ITGAX: variants seen among roughly 807,000 people sequenced by gnomAD.
ITGAX encodes the protein integrin alpha-X.
In ITGAX, 99 loss-of-function variants were observed where a neutral mutation model predicts 140.2. That is an observed-to-expected ratio of 0.71 (90% confidence interval 0.60 to 0.83). The LOEUF (loss-of-function observed/expected upper bound fraction) is 0.83. Among genes scored for constraint, ITGAX ranks in the 40% least tolerant of loss-of-function variants. The pLI, the probability that ITGAX is intolerant of heterozygous loss-of-function variation, is 0.00. For synonymous variants in ITGAX, 631 were observed against 600.4 expected, an observed-to-expected ratio of 1.05 and a Z score of -0.75; for missense variants, 1,444 against 1,482.0, an observed-to-expected ratio of 0.97 and a Z score of 0.42.
intron 20 of ITGAX, among the ~76,000 whole-genome samples, chr16:31,374,869 T>G (rs1198879463): frequency 6.6e-6 from 1 of 152,268 alleles, no homozygotes; most frequent in African/African-American, 2.4e-5. Context: ...TGCAACAGTG[T>G]TGAAAGGTGA....
intron 14 of ITGAX, chr16:31,370,193 T>A (rs1021110561): frequency 6.6e-6 from 1 of 152,218 alleles, no homozygotes; most frequent in Non-Finnish European, 1.5e-5. Flanking sequence ...TGACCTCAGA[T>A]GACCCACCCG....
At position 31,362,864 on chromosome 16, in the gene ITGAX, A is replaced by G. The variant is rs978880597; in HGVS notation, c.1360-71A>G. ...TTGGGGGAGGTCCTGGTACCTGGGG[A>G]GAGGTGGGACCTGGCCCACAGGGCT... is the stretch of plus-strand genomic sequence containing the variant. On this transcript the variant is annotated intron_variant, in intron 12 of 29. Coordinates refer to ENST00000268296, the MANE Select transcript of ITGAX (RefSeq NM_000887.5). The G allele has an allele frequency of 3.1e-6, 5 of 1,606,662 alleles. No homozygotes were observed. In the African/African-American group the frequency reaches 6.7e-5, roughly 22 times the overall value.
chr16:31,363,400 C>G, intron 14 of ITGAX, 26 bp downstream of exon 14: 2 of 1,610,486 alleles, frequency 1.2e-6, no homozygotes, highest in Non-Finnish European at 1.7e-6. Context: ...ATTTCTGTCA[C>G]TAGAGCAGCC....
In ITGAX at chr16:31,381,924, G is replaced by C. The variant is rs1409574852; in HGVS notation, c.*17G>C. 9.8e-7 allele frequency: 1 copy of C among 1,018,854 alleles called. No homozygotes were observed. The highest frequency in any genetic ancestry group is 2.4e-5 in the East Asian group (1 of 42,246). 63.1% of individuals were successfully genotyped at this position (1,018,854 alleles called of 1,614,324 possible). ...GAGAAATGATCCCCTCTTTGCCTTG[G>C]ACTTCTTCTCCCCCGCGAGTTTTCC... On this transcript the variant is annotated 3_prime_UTR_variant, in exon 30 of 30. Transcript: ENST00000268296.
Position 31,363,302 on chromosome 16 carries a change from G to A in ITGAX, c.1638G>A (p.Glu546=), listed in dbSNP as rs1284390431. The part of the protein sequence containing the change: ...LTDVVIGAPG[E]EENRGAVYLF... ...ACGTGGTCATCGGGGCCCCAGGAGA[G>A]GAGGAGAACCGGGGTGCTGTCTACC... Residue 546 remains glutamate (E), a synonymous_variant, in exon 14 of 30, where the codon GAG becomes GAA. Transcript: ENST00000268296. 6.2e-7 allele frequency: 1 copy of A among 1,614,032 alleles called. No homozygotes were observed. The highest frequency in any genetic ancestry group is 1.3e-5 in the African/African-American group (1 of 75,014).
intron 5 of ITGAX, 182 bp downstream of exon 5, chr16:31,357,546 C>G (rs965393207): frequency 1.2e-5 from 7 of 581,978 alleles, no homozygotes; most frequent in Admixed American, 6.2e-5. Flanking sequence ...CGCACGCTGC[C>G]GGACCTTTCC....
chr16:31,377,252 A>T lies in ITGAX; in HGVS notation c.2776A>T (p.Thr926Ser), dbSNP rs780714609. Residue 926 changes from threonine to serine, a missense_variant, in exon 23 of 30, where the codon ACT (threonine) becomes TCT (serine). Physicochemically the swap from Thr to Ser is moderately conservative, Grantham distance 58 (BLOSUM62 1). Coordinates refer to ENST00000268296, the MANE Select transcript of ITGAX (RefSeq NM_000887.5). Reference sequence around the variant, plus strand: ...GCTCCCGGTGAAGTATGCTGTCTACACTGTGGTTAGCAGGTCAGCAGGTAC... The same window carrying T: ...GCTCCCGGTGAAGTATGCTGTCTACTCTGTGGTTAGCAGGTCAGCAGGTAC... The part of the protein sequence containing the change: ...LELPVKYAVY[T>S]VVSSHEQFTK... 6 of 1,613,164 alleles carry T rather than the reference A, an allele frequency of 3.7e-6. No homozygotes were observed. The highest frequency in any genetic ancestry group is 5.1e-6 in the Non-Finnish European group (6 of 1,179,874).
intron 19 of ITGAX, 140 bp from the exon 20 acceptor site, chr16:31,373,109 A>T: frequency 1.7e-6 from 1 of 574,750 alleles, no homozygotes; most frequent in Non-Finnish European, 2.8e-6. Context: ...AAAAAGAAGA[A>T]GAAGAAGAAG....
intron 25 of ITGAX, 56 bp downstream of exon 25, chr16:31,379,920 T>C (rs2081052791): frequency 3.7e-6 from 6 of 1,607,398 alleles, no homozygotes. Context: ...CTGGATTCCT[T>C]GTGCCCCATG....
Position 31,382,228 on chromosome 16 carries a change from C to CTTTTTTTTTTTTTTCTTTT in ITGAX, c.*335_*336insCTTTTTTTTTTTTTTTTTT. ...GGCACGAATGATCTTTCTTTCCTTT[C>CTTTTTTTTTTTTTTCTTTT]TTTTTTTTTTTTTTTCTTTTCTTTT... is the stretch of plus-strand genomic sequence containing the variant. On this transcript the variant is annotated 3_prime_UTR_variant, in exon 30 of 30. Transcript: ENST00000268296. 4.4e-6 allele frequency: 4 copies of CTTTTTTTTTTTTTTCTTTT among 902,772 alleles called. No homozygotes were observed. Among genetic ancestry groups the CTTTTTTTTTTTTTTCTTTT allele is most frequent in the East Asian group, 6.0e-5 (1 of 16,586 alleles). 55.9% of individuals were successfully genotyped at this position (902,772 alleles called of 1,614,324 possible).
rs1476229471 is a variant in ITGAX, at chr16:31,371,367, GC to G, written c.1876del (p.Gln626SerfsTer50). On this transcript the variant is annotated frameshift_variant, in exon 16 of 30. Coordinates refer to ENST00000268296, the MANE Select transcript of ITGAX (RefSeq NM_000887.5). LOFTEE classifies it high-confidence loss of function. ...RPVLWVGVSM[Q>X]FIPAEIPRSA... The stretch of plus-strand genomic sequence containing the variant: ...CTGTGCTCTGGGTGGGGGTGAGCAT[GC>G]AGTTCATACCTGCCGAGATCCCCAG... The G allele has an allele frequency of 4.3e-6, 7 of 1,614,200 alleles. No homozygotes were observed. Among genetic ancestry groups the G allele is most frequent in the Non-Finnish European group, 5.9e-6 (7 of 1,180,044 alleles).
intron 14 of ITGAX, among the ~76,000 whole-genome samples, chr16:31,368,103 A>G (rs778898220): frequency 1.5e-4 from 23 of 151,636 alleles, no homozygotes; most frequent in Non-Finnish European, 2.8e-4. Context: ...TCATGATGAA[A>G]CTTGCACAGA....
chr16:31,361,072 G>A lies in ITGAX; in HGVS notation c.871G>A (p.Ala291Thr), dbSNP rs200935163. The change falls in exon 9 of 30, where the codon GCT (alanine) becomes ACT (threonine). Residue 291 changes from alanine (A) to threonine (T), a missense_variant. Transcript: ENST00000268296. Reference protein sequence around the residue: ...IIRYAIGVGLAFQNRNSWKEL... With the variant: ...IIRYAIGVGLTFQNRNSWKEL... ...TCTTTTCTGGGGACAGGTTGGATTAGCTTTTCAAAACAGAAATTCTTGGAA... is the reference window on the plus strand; with the variant it reads ...TCTTTTCTGGGGACAGGTTGGATTAACTTTTCAAAACAGAAATTCTTGGAA... 2.4e-5 allele frequency: 39 copies of A among 1,612,534 alleles called. No homozygotes were observed. The highest frequency in any genetic ancestry group is 3.0e-5 in the Non-Finnish European group (35 of 1,179,696).
intron 10 of ITGAX, 82 bp downstream of exon 10, chr16:31,361,991 GA>G: frequency 3.1e-6 from 5 of 1,612,544 alleles, no homozygotes; most frequent in Non-Finnish European, 4.2e-6. Flanking sequence ...AGGTGGGTAA[GA>G]GGCGCAGGCG....
chr16:31,382,715 C>T lies in ITGAX; in HGVS notation c.*808C>T, dbSNP rs774300079. 4.5e-5 allele frequency: 25 copies of T among 551,054 alleles called. No homozygotes were observed. The highest frequency in any genetic ancestry group is 7.7e-5 in the African/African-American group (4 of 52,226). 34.1% of individuals were successfully genotyped at this position (551,054 alleles called of 1,614,324 possible). ...GCTGGGTTCTGCACAGCTGGCCTCC[C>T]GCGTTGGGCAACATTGCTGGCTGGA... On this transcript the variant is annotated 3_prime_UTR_variant, in exon 30 of 30. Coordinates refer to ENST00000268296, the MANE Select transcript of ITGAX (RefSeq NM_000887.5).
Position 31,362,974 on chromosome 16 carries a change from G to T in ITGAX, c.1399G>T (p.Val467Leu), listed in dbSNP as rs756238556. 5 of 1,611,798 alleles carry T rather than the reference G, an allele frequency of 3.1e-6. No individual in the cohort carries two copies. The Admixed American group carries it at 8.3e-5, about 27-fold the overall frequency. Residue 467 changes from valine to leucine, a missense_variant, in exon 13 of 30, where the codon GTA becomes TTA. Val to Leu is a conservative substitution (Grantham distance 32). Coordinates refer to ENST00000268296, the MANE Select transcript of ITGAX (RefSeq NM_000887.5). The part of the protein sequence containing the change: ...YFGASLCSVD[V>L]DSDGSTDLVL... ...CGGGGCCTCCCTCTGCTCCGTGGAC[G>T]TAGACAGCGACGGCAGCACCGACCT...
intron 9 of ITGAX, chr16:31,361,596 T>C: frequency 1.4e-6 from 1 of 718,804 alleles, no homozygotes; most frequent in Non-Finnish European, 2.4e-6. Context: ...TCGGGTCTGC[T>C]TGTAGACCTG....
rs754122130 is a variant in ITGAX at position 31,372,361 on chromosome 16, C to T, written c.2161-17C>T. The T allele has an allele frequency of 6.9e-6, 11 of 1,589,698 alleles. No homozygotes were observed. The highest frequency in any genetic ancestry group is 5.7e-5 in the South Asian group (5 of 87,744). On this transcript the variant is annotated splice_polypyrimidine_tract_variant and intron_variant, in intron 17 of 29. Transcript: ENST00000268296. Reference sequence around the variant, plus strand: ...CCCTCCCCTTACCCTCCGCTCCCCGCGACGCCCGTCCCCCAGAGCTGCGTG... The same window carrying T: ...CCCTCCCCTTACCCTCCGCTCCCCGTGACGCCCGTCCCCCAGAGCTGCGTG...
chr16:31,381,265 T>C (rs2081066760), intron 29 of ITGAX, among the ~76,000 whole-genome samples: 1 of 152,214 alleles, frequency 6.6e-6, no homozygotes, highest in Admixed American at 6.5e-5. Context: ...GATTATCATA[T>C]AAAAGCACAG....
Sources: gnomAD v4.1 joint callset for allele counts (sites outside exome capture counted in the v4.1 genomes callset) on GRCh38, gnomAD v4.1.1 for gene constraint, MANE v1.5 for transcripts, NCBI Gene and HGNC (gene_info 2026-07-23, HGNC 2026-07-21) for gene names.